CFAP47: variants seen among roughly 807,000 people sequenced by gnomAD.
CFAP47 encodes cilia- and flagella-associated protein 47.
In CFAP47, 29 loss-of-function variants were observed where a neutral mutation model predicts 148.1. The ratio of observed to expected loss-of-function variants is 0.20; its 90% confidence interval spans 0.15 to 0.27. The LOEUF is 0.27. Among genes scored for constraint, CFAP47 ranks in the 10% least tolerant of loss-of-function variants. The pLI, the probability that CFAP47 is intolerant of heterozygous loss-of-function variation, is 1.00. For synonymous variants in CFAP47, 664 were observed against 577.3 expected (o/e 1.15, Z -2.15); for missense variants, 1,872 against 1,697.5 (o/e 1.10, Z -1.81).
At position 36,065,373 on chromosome X, in the gene CFAP47, C is replaced by A. The variant is rs147751919; in HGVS notation, c.4218-270C>A. ...TGAGACACCTTCAACTCTAAACTTT[C>A]CTGAATCTGTGTTTTTGCACCTGCA... On this transcript the variant is annotated intron_variant, in intron 26 of 63. Coordinates refer to ENST00000378653, the MANE Select transcript of CFAP47 (RefSeq NM_001304548.2). 2.5e-3 allele frequency among the ~76,000 whole-genome samples: 281 copies of A among 111,487 alleles called. 1 individual carries two copies. The highest frequency in any genetic ancestry group is 8.8e-3 in the African/African-American group (271 of 30,725).
chrX:36,119,248 C>T (rs1442760197), intron 33 of CFAP47, among the ~76,000 whole-genome samples: 1 of 111,803 alleles, frequency 8.9e-6, no homozygotes, highest in Non-Finnish European at 1.9e-5. Context: ...CCCTTCTATA[C>T]TCAGCTTTTT....
chrX:36,175,326 G>T (rs1401212231), intron 39 of CFAP47, among the ~76,000 whole-genome samples: 1 of 112,219 alleles, frequency 8.9e-6, no homozygotes, highest in Non-Finnish European at 1.9e-5. Context: ...CCGTCTCTTT[G>T]TTCCGTTGCT....
chrX:36,091,210 T>A lies in CFAP47; in HGVS notation c.4916+5672T>A, dbSNP rs1276480022. On this transcript the variant is annotated intron_variant, in intron 30 of 63. Coordinates refer to ENST00000378653, the MANE Select transcript of CFAP47 (RefSeq NM_001304548.2). ...GTCCTCAATTTTACCTAGGGTTTAC[T>A]CTCTGGTGGACACTTTGGAATACTC... 5.4e-5 allele frequency among the ~76,000 whole-genome samples: 6 copies of A among 111,468 alleles called. No individual in the cohort carries two copies. The East Asian group carries it at 1.7e-3, about 32-fold the overall frequency.
rs755111300 is a variant in CFAP47 at position 35,960,767 on chromosome X, G to A, written c.1410+4571G>A. ...ATTTATTAGTTCTGGTAGTTTTTTG[G>A]TGGATTCTTTGGGATACAAGAACAT... On this transcript the variant is annotated intron_variant, in intron 8 of 63. Transcript: ENST00000378653. 2.7e-5 allele frequency among the ~76,000 whole-genome samples: 3 copies of A among 110,414 alleles called. No individual in the cohort carries two copies. In the South Asian group the frequency reaches 1.1e-3, roughly 41 times the overall value.
intron 8 of CFAP47, among the ~76,000 whole-genome samples, chrX:35,963,840 A>G (rs1219820358): frequency 9.0e-6 from 1 of 111,571 alleles, no homozygotes. Flanking sequence ...TATAGTATAC[A>G]AAAACTTTTG....
intron 57 of CFAP47, among the ~76,000 whole-genome samples, chrX:36,335,577 C>A (rs1556014719): frequency 8.9e-6 from 1 of 111,781 alleles, no homozygotes; most frequent in Non-Finnish European, 1.9e-5. Flanking sequence ...GATTAATGCC[C>A]TCTTTTGGAG....
At chrX:36,374,072 C>G (rs1339936619) in intron 62 of CFAP47, among the ~76,000 whole-genome samples, 1 of 110,479 alleles carries the variant, frequency 9.1e-6, no homozygotes, top group Admixed American at 9.6e-5. Flanking sequence ...TGATCCTGGC[C>G]TCATAAAATG....
intron 45 of CFAP47, among the ~76,000 whole-genome samples, chrX:36,212,799 C>G (rs10126577): frequency 0.057 from 6,293 of 110,891 alleles, 490 homozygotes; most frequent in African/African-American, 0.2. Context: ...CATCCCCTCT[C>G]CAAGGACACC....
intron 3 of CFAP47, among the ~76,000 whole-genome samples, chrX:35,943,865 C>T: frequency 9.0e-6 from 1 of 110,511 alleles, no homozygotes; most frequent in Middle Eastern, 4.7e-3. Flanking sequence ...TTATGGAGTA[C>T]ATGAGATGTT....
intron 33 of CFAP47, among the ~76,000 whole-genome samples, chrX:36,110,316 C>T: frequency 9.0e-6 from 1 of 111,724 alleles, no homozygotes; most frequent in Middle Eastern, 4.6e-3. Context: ...GGTCCAGTTT[C>T]AATCTTCTGC....
At chrX:35,959,938 G>A (rs1312165276) in intron 8 of CFAP47, among the ~76,000 whole-genome samples, 1 of 108,230 alleles carries the variant, frequency 9.2e-6, no homozygotes, top group African/African-American at 3.4e-5. Flanking sequence ...TGATTTAGAG[G>A]TTGAAATGTA....
At chrX:36,234,758 G>T (rs1429807688) in intron 46 of CFAP47, among the ~76,000 whole-genome samples, 1 of 111,143 alleles carries the variant, frequency 9.0e-6, no homozygotes, top group Non-Finnish European at 1.9e-5. Flanking sequence ...ATCTACTTTT[G>T]GCCTTTGATG....
intron 32 of CFAP47, 86 bp from the exon 33 acceptor site, chrX:36,104,413 G>A (rs1239099347): frequency 2.6e-6 from 1 of 391,594 alleles, no homozygotes; most frequent in Non-Finnish European, 4.4e-6. Flanking sequence ...TTAATCTCCT[G>A]TCATGTTTTT....
At chrX:35,983,145 C>T (rs2146676965) in intron 15 of CFAP47, among the ~76,000 whole-genome samples, 1 of 111,605 alleles carries the variant, frequency 9.0e-6, no homozygotes, top group Admixed American at 9.5e-5. Context: ...TTGTAATTCT[C>T]ATTGTGGAGA....
chrX:36,145,089 G>C (rs899821112), intron 35 of CFAP47, 130 bp from the exon 36 acceptor site: 5 of 346,785 alleles, frequency 1.4e-5, no homozygotes, highest in Non-Finnish European at 2.5e-5. Flanking sequence ...GTGTGTGTGT[G>C]TGTGTGTGTG....
intron 22 of CFAP47, among the ~76,000 whole-genome samples, chrX:36,026,294 T>G (rs1338653356): frequency 9.0e-6 from 1 of 111,631 alleles, no homozygotes; most frequent in Non-Finnish European, 1.9e-5. Context: ...AACAGGTGCG[T>G]TTTTAAATTT....
chrX:36,178,247 G>A (rs987646008), intron 39 of CFAP47, among the ~76,000 whole-genome samples: 15 of 110,687 alleles, frequency 1.4e-4, no homozygotes, highest in Admixed American at 2.9e-4. Context: ...CACTATCTGG[G>A]TAATGAGATC....
chrX:36,329,838 A>G (rs782155964), intron 57 of CFAP47, among the ~76,000 whole-genome samples: 10 of 111,853 alleles, frequency 8.9e-5, no homozygotes, highest in Non-Finnish European at 1.7e-4. Flanking sequence ...TCATTCCTGG[A>G]AAAATCCTTG....
intron 49 of CFAP47, among the ~76,000 whole-genome samples, chrX:36,263,971 G>A (rs73199333): frequency 0.056 from 6,258 of 111,380 alleles, 152 homozygotes; most frequent in Middle Eastern, 0.14. Flanking sequence ...TCTTCAGTTA[G>A]CACGTGATGA....
Sources: allele counts gnomAD v4.1 joint callset (sites outside exome capture counted in the v4.1 genomes callset), GRCh38; gene constraint gnomAD v4.1.1; transcripts MANE v1.5; gene names NCBI Gene and HGNC (gene_info 2026-07-23, HGNC 2026-07-21).